PKN2: variants seen among roughly 807,000 people sequenced by gnomAD.
The protein encoded by PKN2 is serine/threonine-protein kinase N2.
In PKN2, 38 loss-of-function variants were observed where a neutral mutation model predicts 119.1. The ratio of observed to expected loss-of-function variants is 0.32; its 90% CI spans 0.25 to 0.42. The LOEUF (loss-of-function observed/expected upper bound fraction) is 0.42, where lower values mean the gene tolerates loss of function less well. PKN2 is among the 10% of genes least tolerant of loss of function. The pLI is 1.00. For synonymous variants in PKN2, 390 were observed against 384.9 expected (o/e 1.01, Z -0.15); for missense variants, 850 against 1,165.1 (o/e 0.73, Z 3.94).
intron 15 of PKN2, among the ~76,000 whole-genome samples, chr1:88,812,783 C>T (rs1305624158): frequency 6.6e-6 from 1 of 152,128 alleles, no homozygotes; most frequent in African/African-American, 2.4e-5. Context: ...TATTTGTCAT[C>T]TACTTAAGCC....
chr1:88,816,464 C>A (rs1253646334), intron 16 of PKN2, among the ~76,000 whole-genome samples: 3 of 152,054 alleles, frequency 2.0e-5, no homozygotes, highest in African/African-American at 2.4e-5. Flanking sequence ...CCAGGCTGGT[C>A]TCAAACTCCT....
chr1:88,768,672 G>A (rs939573153), intron 3 of PKN2, among the ~76,000 whole-genome samples: 6 of 152,176 alleles, frequency 3.9e-5, no homozygotes, highest in African/African-American at 9.7e-5. Flanking sequence ...TGACATCTTC[G>A]AGTAGGTCAT....
At chr1:88,712,064 T>C (rs11801983) in intron 1 of PKN2, among the ~76,000 whole-genome samples, 10,182 of 152,190 alleles carry the variant, frequency 0.067, 695 homozygotes, top group African/African-American at 0.18. Flanking sequence ...AGTGATACAT[T>C]ATTGGTTTAA....
intron 1 of PKN2, among the ~76,000 whole-genome samples, chr1:88,723,801 T>C (rs893692014): frequency 2.0e-4 from 30 of 152,330 alleles, no homozygotes; most frequent in African/African-American, 7.2e-4. Context: ...GGTGGAGTTT[T>C]AAAATCTAAA....
At position 88,746,208 on chromosome 1, in the gene PKN2, C is replaced by G. The variant is rs7516906; in HGVS notation, c.349+4920C>G. On this transcript the variant is annotated intron_variant, in intron 2 of 21. Transcript: ENST00000370521. ...AAAATATAGAGGGAAAGCTCTATGA[C>G]ATTGGTCTAGGCAGTGATTTCTTGG... Among the ~76,000 whole-genome samples the G allele has an allele frequency of 5.0e-3, 767 of 152,140 alleles. 3 individuals are homozygous for G. Among genetic ancestry groups the G allele is most frequent in the African/African-American group, 0.017 (722 of 41,526 alleles).
chr1:88,775,015 C>T (rs1359963341), intron 6 of PKN2, among the ~76,000 whole-genome samples: 2 of 152,160 alleles, frequency 1.3e-5, no homozygotes, highest in Admixed American at 1.3e-4. Flanking sequence ...AGCCTCTATT[C>T]TTACTTTTCT....
chr1:88,807,206 CCAA>C, intron 12 of PKN2, 104 bp from the exon 13 acceptor site: 1 of 902,644 alleles, frequency 1.1e-6, no homozygotes, highest in Non-Finnish European at 1.6e-6. Context: ...ACTTTTCACT[CCAA>C]CATTTATATT....
intron 16 of PKN2, chr1:88,815,420 AT>A: frequency 8.5e-6 from 3 of 354,240 alleles, no homozygotes; most frequent in East Asian, 1.1e-4. Flanking sequence ...AGTTCACTCT[AT>A]TTTCTGTATT....
At chr1:88,781,012 A>T (rs1670316569) in intron 6 of PKN2, 1 of 871,220 alleles carries the variant, frequency 1.1e-6, no homozygotes, top group Non-Finnish European at 1.4e-6. Flanking sequence ...ACCAACCTAA[A>T]AAGAAGTATC....
intron 1 of PKN2, among the ~76,000 whole-genome samples, chr1:88,730,749 A>AAACT (rs1473347708): frequency 1.3e-5 from 2 of 152,234 alleles, no homozygotes; most frequent in Non-Finnish European, 2.9e-5. Context: ...TATGTGCCAG[A>AAACT]AACTGTACTG....
intron 8 of PKN2, among the ~76,000 whole-genome samples, chr1:88,799,179 G>A (rs1671209974): frequency 6.6e-6 from 1 of 152,178 alleles, no homozygotes; most frequent in African/African-American, 2.4e-5. Flanking sequence ...TTCTATCATA[G>A]TTGTTTTTGT....
chr1:88,738,022 T>C (rs539408314), intron 1 of PKN2, among the ~76,000 whole-genome samples: 1 of 152,328 alleles, frequency 6.6e-6, no homozygotes, highest in Non-Finnish European at 1.5e-5. Context: ...AGTCAATCGC[T>C]GGAGAGTCTT....
chr1:88,745,940 T>C (rs1668750237), intron 2 of PKN2, among the ~76,000 whole-genome samples: 3 of 152,084 alleles, frequency 2.0e-5, no homozygotes, highest in Admixed American at 1.3e-4. Flanking sequence ...TTCAAATCAA[T>C]TGATTTTTGA....
chr1:88,768,470 A>T (rs1410597965), intron 3 of PKN2, among the ~76,000 whole-genome samples: 4 of 152,118 alleles, frequency 2.6e-5, no homozygotes, highest in Admixed American at 2.6e-4. Context: ...CTCACATCCC[A>T]TCACTCTGAC....
At chr1:88,794,817 C>T (rs1670995197) in intron 8 of PKN2, among the ~76,000 whole-genome samples, 1 of 152,056 alleles carries the variant, frequency 6.6e-6, no homozygotes, top group African/African-American at 2.4e-5. Context: ...ACCCTAAAAC[C>T]AATGTTACTC....
At chr1:88,741,521 ACT>A (rs916914409) in intron 2 of PKN2, among the ~76,000 whole-genome samples, 1 of 152,014 alleles carries the variant, frequency 6.6e-6, no homozygotes, top group South Asian at 2.1e-4. Context: ...ATTCTCTCTT[ACT>A]CTCTATCAGT....
At chr1:88,710,313 G>A (rs1263932138) in intron 1 of PKN2, among the ~76,000 whole-genome samples, 1 of 152,070 alleles carries the variant, frequency 6.6e-6, no homozygotes, top group African/African-American at 2.4e-5. Flanking sequence ...TTAGAAAAGA[G>A]AAAAATTTTC....
In PKN2 at chr1:88,790,969, T is replaced by G. The variant is rs542707071; in HGVS notation, c.1281+4756T>G. On this transcript the variant is annotated intron_variant, in intron 8 of 21. Coordinates refer to ENST00000370521, the MANE Select transcript of PKN2 (RefSeq NM_006256.4). ...AAAACAACACCCTGTTTTTCTCTCATGGAGATAATACCATCTCTTAAAACT... is the reference window on the plus strand; with the variant it reads ...AAAACAACACCCTGTTTTTCTCTCAGGGAGATAATACCATCTCTTAAAACT... Among the ~76,000 whole-genome samples the G allele has an allele frequency of 8.5e-5, 13 of 152,342 alleles. 1 individual carries two copies. In the East Asian group the frequency reaches 2.5e-3, roughly 29 times the overall value.
At chr1:88,714,521 G>C (rs1433117739) in intron 1 of PKN2, among the ~76,000 whole-genome samples, 1 of 151,948 alleles carries the variant, frequency 6.6e-6, no homozygotes, top group African/African-American at 2.4e-5. Context: ...TGGATTCCTA[G>C]GTATTTTATT....
Sources: allele counts gnomAD v4.1 joint callset (sites outside exome capture counted in the v4.1 genomes callset), GRCh38; gene constraint gnomAD v4.1.1; transcripts MANE v1.5; gene names NCBI Gene and HGNC (gene_info 2026-07-23, HGNC 2026-07-21).